Variants in FCHO1 observed in about 807,000 individuals in gnomAD.
The protein encoded by FCHO1 is FCH and mu domain containing endocytic adaptor 1.
Under a neutral mutation model 114.4 loss-of-function variants are expected in FCHO1, and 45 were observed. The observed-to-expected ratio is 0.39, with a 90% CI of 0.31 to 0.50. The LOEUF (loss-of-function observed/expected upper bound fraction) is 0.50. FCHO1 is among the 20% of genes least tolerant of loss of function. The probability of loss-of-function intolerance (pLI) is 0.77; values close to 1 mark genes in which losing one functional copy is unlikely to be tolerated. For synonymous variants in FCHO1, 480 were observed against 488.9 expected, an observed-to-expected ratio of 0.98 and a Z score of 0.24; for missense variants, 1,042 against 1,209.6, an observed-to-expected ratio of 0.86 and a Z score of 2.06.
chr19:17,776,297 G>A lies in FCHO1; in HGVS notation c.1207+26G>A. The stretch of plus-strand genomic sequence containing the variant: ...GTGAGTAGCCTTTGGTCTTCAGAGT[G>A]GGGAGGATCCTAAGGAAGGGAGGCT... On this transcript the variant is annotated intron_variant, in intron 17 of 28. Transcript: ENST00000596536. This position sits in a 1 kb window ranked among gnomAD's most constrained non-coding sequence, Gnocchi z 4.4. 6.2e-7 allele frequency: 1 copy of A among 1,614,088 alleles called. No homozygotes were observed. Among genetic ancestry groups the A allele is most frequent in the Non-Finnish European group, 8.5e-7 (1 of 1,179,956 alleles).
chr19:17,786,028 C>T (rs909718925), intron 26 of FCHO1, among the ~76,000 whole-genome samples: 6 of 151,682 alleles, frequency 4.0e-5, no homozygotes, highest in East Asian at 1.9e-4. Context: ...GGACAGAATG[C>T]GTCATCTAAA....
chr19:17,784,730 C>T lies in FCHO1; in HGVS notation c.2232C>T (p.Ser744=). The T allele has an allele frequency of 6.2e-7, 1 of 1,614,008 alleles. No homozygotes were observed. The highest frequency in any genetic ancestry group is 8.5e-7 in the Non-Finnish European group (1 of 1,180,002). The change falls in exon 26 of 29, where the codon TCC becomes TCT. Residue 744 remains serine, a synonymous_variant. Transcript: ENST00000596536. The surrounding 1 kb of genome is among the most constrained non-coding windows in gnomAD (Gnocchi z 5.3). ...CTCATTCTCATTCTTCCTAGTTCTC[C>T]CGCCCGGGTCCCCAGTCTGTGCCTC... ...YNVVLLRYQF[S]RPGPQSVPLQ...
intron 6 of FCHO1, among the ~76,000 whole-genome samples, chr19:17,765,228 C>T (rs1259671950): frequency 1.3e-5 from 2 of 152,064 alleles, no homozygotes; most frequent in African/African-American, 4.8e-5. Flanking sequence ...AGTGGCTCAG[C>T]CAGTGCGAAG....
Position 17,784,316 on chromosome 19 carries a change from G to A in FCHO1, c.2226+81G>A, listed in dbSNP as rs1216035866. 6.2e-5 allele frequency: 93 copies of A among 1,501,024 alleles called. 1 individual carries two copies. In the South Asian group the frequency reaches 8.7e-4, roughly 14 times the overall value. The allele number at this position is 1,501,024 out of a possible 1,614,324, so 93.0% of individuals were successfully genotyped here. A position where few individuals can be genotyped will look rare whatever the true frequency, so the allele number is the denominator to read the frequency against. On this transcript the variant is annotated intron_variant, in intron 25 of 28. Transcript: ENST00000596536. The surrounding 1 kb of genome is among the most constrained non-coding windows in gnomAD (Gnocchi z 5.3). ...CGGCAGCAGACATGGAGGCGCCTGC[G>A]TGTTGGCCAGGCTGGTCTCGAATTC...
At position 17,769,623 on chromosome 19, in the gene FCHO1, ACACACACAC is replaced by A. The variant is rs1273419323; in HGVS notation, c.337-801_337-793del. On this transcript the variant is annotated intron_variant, in intron 7 of 28. Coordinates refer to ENST00000596536, the MANE Select transcript of FCHO1 (RefSeq NM_015122.3). ...CACACACACACACACACACACACAC[ACACACACAC>A]AAAACGGTGAGTTAAGCAACACAGT... Among the ~76,000 whole-genome samples the A allele has an allele frequency of 6.4e-4, 84 of 132,270 alleles. 1 individual carries two copies. The highest frequency in any genetic ancestry group is 2.2e-3 in the African/African-American group (82 of 36,774). 86.8% of individuals were successfully genotyped at this position (132,270 alleles called of 152,430 possible).
At position 17,775,536 on chromosome 19, in the gene FCHO1, G is replaced by A. The variant is rs749955027; in HGVS notation, c.1003+23G>A. 2 of 1,612,138 alleles carry A rather than the reference G, an allele frequency of 1.2e-6. No homozygotes were observed. The highest frequency in any genetic ancestry group is 1.7e-5 in the Admixed American group (1 of 59,968). On this transcript the variant is annotated intron_variant, in intron 15 of 28. Transcript: ENST00000596536. The surrounding 1 kb of genome is among the most constrained non-coding windows in gnomAD (Gnocchi z 5.1). ...ACAATATCCTTCTGGCACCCCCTGGGGGCAGTTGTTGGCACAGCAAGGACA... is the reference window on the plus strand; with the variant it reads ...ACAATATCCTTCTGGCACCCCCTGGAGGCAGTTGTTGGCACAGCAAGGACA...
chr19:17,778,688 G>A lies in FCHO1; in HGVS notation c.1431G>A (p.Leu477=). The change falls in exon 20 of 29, where the codon CTG becomes CTA. Residue 477 remains leucine, a synonymous_variant. Transcript: ENST00000596536. ...SSPENVEDSG[L]DSPSHAAPGP... ...CCGAAAACGTGGAGGATTCCGGCCT[G>A]GACTCTCCGTCCCACGCGGCACCTG... 4 of 1,560,980 alleles carry A rather than the reference G, an allele frequency of 2.6e-6. No individual in the cohort carries two copies. Among genetic ancestry groups the A allele is most frequent in the Non-Finnish European group, 2.6e-6 (3 of 1,157,912 alleles).
At chr19:17,759,243 G>C (rs2085096143) in intron 4 of FCHO1, among the ~76,000 whole-genome samples, 1 of 17,744 alleles carries the variant, frequency 5.6e-5, no homozygotes, top group Non-Finnish European at 1.2e-4. Context: ...TTTTTTTTGA[G>C]ACAGAGTCTT....
chr19:17,755,064 C>T lies in FCHO1; in HGVS notation c.-47-54C>T, dbSNP rs770075685. ...CCTCTACAGGGAGGGACTTTCCCCC[C>T]ACCAAGCCCACACTGGCAATGACTC... is the stretch of plus-strand genomic sequence containing the variant. On this transcript the variant is annotated intron_variant, in intron 3 of 28. Coordinates refer to ENST00000596536, the MANE Select transcript of FCHO1 (RefSeq NM_015122.3). 6 of 1,142,166 alleles carry T rather than the reference C, an allele frequency of 5.3e-6. No homozygotes were observed. In the Admixed American group the frequency reaches 1.0e-4, roughly 19 times the overall value. 70.8% of individuals were successfully genotyped at this position (1,142,166 alleles called of 1,614,324 possible).
intron 4 of FCHO1, 43 bp from the exon 5 acceptor site, chr19:17,762,719 G>A (rs867701431): frequency 1.4e-6 from 2 of 1,440,600 alleles, no homozygotes; most frequent in South Asian, 2.3e-5. Context: ...CAACTATGAT[G>A]TTCTCTCCAT....
Position 17,775,415 on chromosome 19 carries a change from A to G in FCHO1, c.946-41A>G. On this transcript the variant is annotated intron_variant, in intron 14 of 28. Transcript: ENST00000596536. This position sits in a 1 kb window ranked among gnomAD's most constrained non-coding sequence, Gnocchi z 5.1. Reference sequence around the variant, plus strand: ...GGCAGGGTGAGATGGAAGGTTCGATAGTGGGGCGCCTGACTCACTGCTGCC... The same window carrying G: ...GGCAGGGTGAGATGGAAGGTTCGATGGTGGGGCGCCTGACTCACTGCTGCC... 6.3e-7 allele frequency: 1 copy of G among 1,590,106 alleles called. No individual in the cohort carries two copies. Among genetic ancestry groups the G allele is most frequent in the East Asian group, 2.2e-5 (1 of 44,760 alleles).
chr19:17,777,820 C>G (rs2092833287), intron 18 of FCHO1, among the ~76,000 whole-genome samples: 1 of 152,126 alleles, frequency 6.6e-6, no homozygotes, highest in South Asian at 2.1e-4. Context: ...AGCCAGATCA[C>G]TTGAGGTCAG....
At position 17,778,751 on chromosome 19, in the gene FCHO1, C is replaced by T. The variant is rs775388249; in HGVS notation, c.1494C>T (p.Thr498=). The T allele has an allele frequency of 1.3e-6, 2 of 1,539,012 alleles. No homozygotes were observed. The highest frequency in any genetic ancestry group is 2.4e-5 in the East Asian group (1 of 41,024). The change falls in exon 20 of 29, where the codon ACC becomes ACT. Residue 498 remains threonine, a synonymous_variant. Coordinates refer to ENST00000596536, the MANE Select transcript of FCHO1 (RefSeq NM_015122.3). ...SPDSWVPRPG[T]PQSPPSCRAP... Reference sequence around the variant, plus strand: ...ATTCCTGGGTCCCCCGCCCAGGCACCCCGCAGAGCCCGCCCAGCTGTAGGG... The same window carrying T: ...ATTCCTGGGTCCCCCGCCCAGGCACTCCGCAGAGCCCGCCCAGCTGTAGGG...
At chr19:17,767,579 A>AAC (rs2089845456) in intron 7 of FCHO1, among the ~76,000 whole-genome samples, 2 of 151,652 alleles carry the variant, frequency 1.3e-5, no homozygotes, top group African/African-American at 4.8e-5. Flanking sequence ...AAAAAAAAAA[A>AAC]AAAACAAGAG....
chr19:17,787,882 G>A, intron 28 of FCHO1, 36 bp downstream of exon 28: 1 of 1,597,826 alleles, frequency 6.3e-7, no homozygotes, highest in Middle Eastern at 1.8e-4. Flanking sequence ...GACCTCAGGA[G>A]CCGAGATCTT....
Position 17,776,388 on chromosome 19 carries a change from C to T in FCHO1, c.1207+117C>T. 7.7e-7 allele frequency: 1 copy of T among 1,295,122 alleles called. No individual in the cohort carries two copies. Among genetic ancestry groups the T allele is most frequent in the South Asian group, 1.2e-5 (1 of 84,134 alleles). 80.2% of individuals were successfully genotyped at this position (1,295,122 alleles called of 1,614,324 possible). ...GGGCAGGCTGCTTAACCACACTGACCTTCAGTCTCCTTTTCTGTAAAATGA... is the reference window on the plus strand; with the variant it reads ...GGGCAGGCTGCTTAACCACACTGACTTTCAGTCTCCTTTTCTGTAAAATGA... On this transcript the variant is annotated intron_variant, in intron 17 of 28. Transcript: ENST00000596536. The surrounding 1 kb of genome is among the most constrained non-coding windows in gnomAD (Gnocchi z 4.4).
rs754360221 is a variant in FCHO1 at position 17,787,713 on chromosome 19, G to T, written c.2514G>T (p.Pro838=). ...GCCGCCTCTCTGCCAGCTGGGAGCC[G>T]CTCTCAGGGCCCAGCACACCCAGCC... The part of the protein sequence containing the change: ...GSGRLSASWE[P]LSGPSTPSPV... Residue 838 remains proline, a synonymous_variant, in exon 28 of 29, where the codon CCG becomes CCT. Coordinates refer to ENST00000596536, the MANE Select transcript of FCHO1 (RefSeq NM_015122.3). The T allele has an allele frequency of 5.7e-5, 89 of 1,572,094 alleles. No homozygotes were observed. The highest frequency in any genetic ancestry group is 7.3e-5 in the Non-Finnish European group (85 of 1,159,484).
intron 23 of FCHO1, 53 bp from the exon 24 acceptor site, chr19:17,782,964 T>C: frequency 2.5e-6 from 4 of 1,590,500 alleles, no homozygotes; most frequent in Non-Finnish European, 2.6e-6. Flanking sequence ...AGGGGAAGGA[T>C]GAGGCACCAG....
upstream of FCHO1, among the ~76,000 whole-genome samples, chr19:17,750,047 C>T (rs372698472): frequency 2.8e-3 from 430 of 152,288 alleles, 2 homozygotes; most frequent in Non-Finnish European, 3.5e-3. Context: ...GATGGGAGCT[C>T]GGGTCTTGCC....
Sources: allele counts gnomAD v4.1 joint callset (sites outside exome capture counted in the v4.1 genomes callset), GRCh38; gene constraint gnomAD v4.1.1; non-coding constraint Gnocchi (gnomAD v3.1); transcripts MANE v1.5; gene names NCBI Gene and HGNC (gene_info 2026-07-23, HGNC 2026-07-21).